The following TENM3 variants were observed in gnomAD, a reference collection of about 807,000 sequenced individuals.
TENM3 encodes the protein teneurin transmembrane protein 3.
Under a neutral mutation model 255.1 loss-of-function variants are expected in TENM3, and 63 were observed. The observed-to-expected ratio is 0.25, with a 90% CI of 0.20 to 0.30. The LOEUF (loss-of-function observed/expected upper bound fraction) is 0.30. TENM3 is among the 10% of genes least tolerant of loss of function. TENM3 has a pLI of 1.00. For synonymous variants in TENM3, 1,306 were observed against 1,322.3 expected, an observed-to-expected ratio of 0.99 and a Z score of 0.27; for missense variants, 2,929 against 3,461.1, an observed-to-expected ratio of 0.85 and a Z score of 3.86.
chr4:182,122,902 C>T, the TENM3 span, among the ~76,000 whole-genome samples: 4 of 152,214 alleles, frequency 2.6e-5, no homozygotes, highest in Non-Finnish European at 5.9e-5. Flanking sequence ...TAGTCTTCAT[C>T]AATGACCTCA....
At chr4:182,095,634 G>C in the TENM3 span, among the ~76,000 whole-genome samples, 31 of 152,008 alleles carry the variant, frequency 2.0e-4, no homozygotes, top group Admixed American at 5.9e-4. Flanking sequence ...TCAGTTAGAA[G>C]GAATAATACC....
At chr4:182,005,055 T>C in the TENM3 span, among the ~76,000 whole-genome samples, 1 of 152,178 alleles carries the variant, frequency 6.6e-6, no homozygotes, top group Admixed American at 6.5e-5. Flanking sequence ...TTTGCTGTGC[T>C]GAAGCTCTTT....
rs963222849 is a variant in TENM3, at chr4:182,800,415, G to A, written c.*64G>A. 2.7e-6 allele frequency: 4 copies of A among 1,480,144 alleles called. No individual in the cohort carries two copies. In the African/African-American group the frequency reaches 5.7e-5, roughly 21 times the overall value. 91.7% of individuals were successfully genotyped at this position (1,480,144 alleles called of 1,614,324 possible). On this transcript the variant is annotated 3_prime_UTR_variant, in exon 28 of 28. Coordinates refer to ENST00000511685, the MANE Select transcript of TENM3 (RefSeq NM_001080477.4). ...CACATTGTCCTGTGGCACAACCCGA[G>A]TGGGACTCTCCAACGCCCAAGAGCC...
At chr4:181,537,174 G>A in the TENM3 span, among the ~76,000 whole-genome samples, 1 of 151,728 alleles carries the variant, frequency 6.6e-6, no homozygotes, top group African/African-American at 2.4e-5. Flanking sequence ...ACTAAGGTTG[G>A]GCTTTGATTA....
chr4:181,782,869 T>A, the TENM3 span, among the ~76,000 whole-genome samples: 1 of 152,222 alleles, frequency 6.6e-6, no homozygotes, highest in Admixed American at 6.5e-5. Flanking sequence ...TGCCTTCATT[T>A]CTTTATGTAC....
At chr4:181,766,754 CAA>C in the TENM3 span, among the ~76,000 whole-genome samples, 21 of 114,756 alleles carry the variant, frequency 1.8e-4, no homozygotes, top group Non-Finnish European at 2.0e-4. Context: ...TGTAGGCGTT[CAA>C]AAAAAAAAAA....
chr4:182,448,838 A>T, intron 3 of TENM3, among the ~76,000 whole-genome samples: 1 of 148,782 alleles, frequency 6.7e-6, no homozygotes, highest in East Asian at 2.0e-4. Flanking sequence ...GCGGCGGCCG[A>T]GCCGGGGCGC....
At chr4:182,683,745 T>C (rs894310213) in intron 11 of TENM3, among the ~76,000 whole-genome samples, 1 of 152,104 alleles carries the variant, frequency 6.6e-6, no homozygotes, top group African/African-American at 2.4e-5. Flanking sequence ...AACTGTCCTG[T>C]AGATAATAAG....
Position 182,488,399 on chromosome 4 carries a change from A to T in TENM3, c.512-112525A>T, listed in dbSNP as rs565215042. Among the ~76,000 whole-genome samples, 6 of 152,308 alleles carry T rather than the reference A, an allele frequency of 3.9e-5. No homozygotes were observed. In the South Asian group the frequency reaches 1.2e-3, roughly 32 times the overall value. ...TGGTGTCACTGAGGAGGGGGAGATG[A>T]GTGACTAAATATAGCAGGAAATAAA... On this transcript the variant is annotated intron_variant, in intron 3 of 27. Transcript: ENST00000511685.
At chr4:181,468,005 A>T in the TENM3 span, among the ~76,000 whole-genome samples, 1 of 152,074 alleles carries the variant, frequency 6.6e-6, no homozygotes, top group Non-Finnish European at 1.5e-5. Flanking sequence ...AATTAAAAAT[A>T]AGAAAAAAGG....
At chr4:181,559,402 A>G in the TENM3 span, among the ~76,000 whole-genome samples, 2 of 152,304 alleles carry the variant, frequency 1.3e-5, no homozygotes, top group African/African-American at 4.8e-5. Flanking sequence ...GAGATTTTAC[A>G]TAGGCAGCAG....
In TENM3 at chr4:182,382,371, T is replaced by A. The variant is rs866267295; in HGVS notation, c.511+35442T>A. Among the ~76,000 whole-genome samples, 26 of 149,018 alleles carry A rather than the reference T, an allele frequency of 1.7e-4. 1 individual carries two copies. Among genetic ancestry groups the A allele is most frequent in the Admixed American group, 1.3e-3 (19 of 14,776 alleles). On this transcript the variant is annotated intron_variant, in intron 3 of 27. Coordinates refer to ENST00000511685, the MANE Select transcript of TENM3 (RefSeq NM_001080477.4). The stretch of plus-strand genomic sequence containing the variant: ...TTGCACCATTTCTTGTTTTTTTTTT[T>A]TATATTTTCAAGTTATACCCAGGCA...
At chr4:182,687,963 T>C (rs1196874374) in intron 11 of TENM3, among the ~76,000 whole-genome samples, 1 of 152,240 alleles carries the variant, frequency 6.6e-6, no homozygotes, top group Admixed American at 6.5e-5. Context: ...AAATGATGAA[T>C]AAAGACGTAG....
chr4:181,719,154 C>A, the TENM3 span, among the ~76,000 whole-genome samples: 1 of 151,450 alleles, frequency 6.6e-6, no homozygotes, highest in African/African-American at 2.4e-5. Context: ...TGCAGTGAGC[C>A]GAGATCGCGC....
At chr4:181,943,224 T>C in the TENM3 span, among the ~76,000 whole-genome samples, 1 of 152,124 alleles carries the variant, frequency 6.6e-6, no homozygotes, top group Admixed American at 6.6e-5. Flanking sequence ...ATTTATAGAT[T>C]AATGTCAAGG....
the TENM3 span, among the ~76,000 whole-genome samples, chr4:181,448,903 T>A: frequency 6.6e-6 from 1 of 152,182 alleles, no homozygotes; most frequent in Non-Finnish European, 1.5e-5. Context: ...AAACAAGAAT[T>A]ATAAAAAGTA....
intron 11 of TENM3, 89 bp downstream of exon 11, chr4:182,682,103 C>G: frequency 9.6e-7 from 1 of 1,044,664 alleles, no homozygotes; most frequent in Non-Finnish European, 1.4e-6. Context: ...CTTTTTAAAC[C>G]TAATACAAAT....
At chr4:181,536,235 G>A in the TENM3 span, among the ~76,000 whole-genome samples, 1 of 152,064 alleles carries the variant, frequency 6.6e-6, no homozygotes, top group African/African-American at 2.4e-5. Context: ...TCCACATTTG[G>A]AAGTCACTGC....
chr4:182,291,727 T>A (rs1360544187), intron 1 of TENM3, among the ~76,000 whole-genome samples: 6 of 152,034 alleles, frequency 3.9e-5, no homozygotes, highest in Non-Finnish European at 4.4e-5. Context: ...CATGGTGTCT[T>A]CTCCAAGGAT....
Sources: allele counts gnomAD v4.1 joint callset (sites outside exome capture counted in the v4.1 genomes callset), GRCh38; gene constraint gnomAD v4.1.1; transcripts MANE v1.5; gene names NCBI Gene and HGNC (gene_info 2026-07-23, HGNC 2026-07-21).